The following SLIT3 variants were observed in gnomAD, a reference collection of about 807,000 sequenced individuals.
SLIT3 encodes slit guidance ligand 3.
In SLIT3, 68 loss-of-function variants were observed where a neutral mutation model predicts 184.0. The observed-to-expected ratio is 0.37, with a 90% confidence interval of 0.30 to 0.45. The LOEUF is 0.45. Among genes scored for constraint, SLIT3 ranks in the 20% least tolerant of loss-of-function variants. The pLI is 1.00. For missense variants in SLIT3, 1,707 were observed against 2,026.0 expected, an observed-to-expected ratio of 0.84 and a Z score of 3.02; for synonymous variants, 831 against 828.6, an observed-to-expected ratio of 1.00 and a Z score of -0.05.
intron 5 of SLIT3, among the ~76,000 whole-genome samples, chr5:168,854,505 C>T (rs1561969451): frequency 1.3e-5 from 2 of 152,170 alleles, no homozygotes; most frequent in African/African-American, 4.8e-5. Context: ...GGATGGGTGT[C>T]TGCACCTTGA....
Position 168,692,634 on chromosome 5 carries a change from T to G in SLIT3, c.3149A>C (p.Lys1050Thr), listed in dbSNP as rs1303404700. 8 of 1,614,046 alleles carry G rather than the reference T, an allele frequency of 5.0e-6. No individual in the cohort carries two copies. Among genetic ancestry groups the G allele is most frequent in the Non-Finnish European group, 6.8e-6 (8 of 1,179,932 alleles). ...PELNLCQHEAKCIPLDKGFSC... is the reference protein window; with the variant it reads ...PELNLCQHEATCIPLDKGFSC... ...GAATCCTTTGTCCAGGGGGATGCACTTGGCCTCATGCTGACAGAGGTTCAG... is the reference window on the plus strand; with the variant it reads ...GAATCCTTTGTCCAGGGGGATGCACGTGGCCTCATGCTGACAGAGGTTCAG... Residue 1050 changes from lysine (K) to threonine (T), a missense_variant, in exon 29 of 36, where the codon AAG becomes ACG. Lys to Thr is a moderately conservative substitution (Grantham distance 78, BLOSUM62 -1). Around this residue, in one of 3 missense-constraint regions of SLIT3, gnomAD observed 1,307 missense variants for 1,511.6 expected, o/e 0.86. Coordinates refer to ENST00000519560, the MANE Select transcript of SLIT3 (RefSeq NM_003062.4).
intron 14 of SLIT3, among the ~76,000 whole-genome samples, chr5:168,770,272 C>A (rs181984969): frequency 6.6e-6 from 1 of 152,322 alleles, no homozygotes; most frequent in East Asian, 1.9e-4. Context: ...AAACCAGACG[C>A]CCTGCCTAAG....
intron 3 of SLIT3, among the ~76,000 whole-genome samples, chr5:169,207,093 C>T (rs1764095927): frequency 6.6e-6 from 1 of 150,960 alleles, no homozygotes; most frequent in Admixed American, 6.6e-5. Flanking sequence ...TTTCTCAACC[C>T]TCTGGCTATT....
chr5:168,707,964 C>T lies in SLIT3; in HGVS notation c.2844+12G>A. ...GAGGCATGAACACGGGGGGGCAGGG[C>T]CTCCAGCATACCTTGTAGCTGTAGG... On this transcript the variant is annotated intron_variant, in intron 26 of 35. Transcript: ENST00000519560. The T allele has an allele frequency of 6.2e-7, 1 of 1,614,042 alleles. No homozygotes were observed.
chr5:168,934,259 G>T (rs1562014091), intron 4 of SLIT3, among the ~76,000 whole-genome samples: 1 of 152,158 alleles, frequency 6.6e-6, no homozygotes, highest in Admixed American at 6.5e-5. Context: ...TCTTCCTGAG[G>T]GAAGAGACTG....
intron 6 of SLIT3, among the ~76,000 whole-genome samples, chr5:168,824,929 A>G (rs890708454): frequency 2.0e-5 from 3 of 152,204 alleles, no homozygotes; most frequent in Admixed American, 2.0e-4. Context: ...TGCCCTCTAC[A>G]TCATACGTCT....
At chr5:169,036,915 C>G (rs915776216) in intron 4 of SLIT3, among the ~76,000 whole-genome samples, 1 of 152,176 alleles carries the variant, frequency 6.6e-6, no homozygotes, top group Non-Finnish European at 1.5e-5. Flanking sequence ...TGGCAAAGAG[C>G]TGTGTTCATG....
rs113638284 is a variant in SLIT3 at position 168,892,824 on chromosome 5, G to A, written c.414-9488C>T. Among the ~76,000 whole-genome samples, 1,145 of 152,310 alleles carry A rather than the reference G, an allele frequency of 7.5e-3. 17 individuals are homozygous for A. The highest frequency in any genetic ancestry group is 0.026 in the African/African-American group (1,078 of 41,568). On this transcript the variant is annotated intron_variant, in intron 4 of 35. Coordinates refer to ENST00000519560, the MANE Select transcript of SLIT3 (RefSeq NM_003062.4). Reference sequence around the variant, plus strand: ...ATCTCCAGCAAATGGGACAGAGGCTGAGCTTCTCAACAGCTCACTAATCCC... The same window carrying A: ...ATCTCCAGCAAATGGGACAGAGGCTAAGCTTCTCAACAGCTCACTAATCCC...
At chr5:169,135,492 A>G (rs576286556) in intron 4 of SLIT3, among the ~76,000 whole-genome samples, 1 of 152,264 alleles carries the variant, frequency 6.6e-6, no homozygotes, top group African/African-American at 2.4e-5. Context: ...TAGCACAAAT[A>G]CTTTCAAAAC....
At position 168,772,767 on chromosome 5, in the gene SLIT3, C is replaced by T. The variant is rs78557326; in HGVS notation, c.1459+14G>A. The T allele has an allele frequency of 1.4e-3, 2,288 of 1,614,030 alleles. 27 individuals carry two copies. The African/African-American group carries it at 0.025, about 18-fold the overall frequency. On this transcript the variant is annotated intron_variant, in intron 14 of 35. Transcript: ENST00000519560. The stretch of plus-strand genomic sequence containing the variant: ...TGAGTCAGAAAGCGGGGCCCAGCCC[C>T]GTAACCTGATTACCTGAGCAGCGGA...
chr5:168,761,008 C>A, intron 15 of SLIT3, 72 bp from the exon 16 acceptor site: 1 of 1,112,020 alleles, frequency 9.0e-7, no homozygotes, highest in South Asian at 1.3e-5. Flanking sequence ...CATGGCTTTG[C>A]TGCATTGCTG....
rs115377975 is a variant in SLIT3 at position 168,904,083 on chromosome 5, G to A, written c.414-20747C>T. Among the ~76,000 whole-genome samples, 730 of 152,272 alleles carry A rather than the reference G, an allele frequency of 4.8e-3. 6 individuals are homozygous for A. Among genetic ancestry groups the A allele is most frequent in the African/African-American group, 0.017 (692 of 41,548 alleles). On this transcript the variant is annotated intron_variant, in intron 4 of 35. Coordinates refer to ENST00000519560, the MANE Select transcript of SLIT3 (RefSeq NM_003062.4). ...TGAGGCACTTGGCAAAGTGGGAACT[G>A]AAACTGAGGCCCTGTTGCCCCTGTG...
intron 4 of SLIT3, among the ~76,000 whole-genome samples, chr5:169,058,894 A>G (rs969045786): frequency 2.0e-5 from 3 of 152,236 alleles, no homozygotes; most frequent in African/African-American, 4.8e-5. Context: ...TCTAGAGAGT[A>G]TCAAGGAAGA....
intron 4 of SLIT3, among the ~76,000 whole-genome samples, chr5:169,071,370 TAAG>T (rs147594128): frequency 0.18 from 28,099 of 152,028 alleles, 2,783 homozygotes; most frequent in South Asian, 0.32. Flanking sequence ...TATATTTCTC[TAAG>T]AAGTAGCAGC....
intron 4 of SLIT3, among the ~76,000 whole-genome samples, chr5:169,021,096 C>A (rs1336247701): frequency 6.6e-6 from 1 of 152,174 alleles, no homozygotes; most frequent in African/African-American, 2.4e-5. Context: ...ACCTTGGAAG[C>A]CAGGACTTCC....
At chr5:169,010,046 T>C (rs548968899) in intron 4 of SLIT3, among the ~76,000 whole-genome samples, 5 of 152,240 alleles carry the variant, frequency 3.3e-5, no homozygotes, top group African/African-American at 1.2e-4. Context: ...GGTGAACCAA[T>C]CGAGTTTTAC....
intron 4 of SLIT3, among the ~76,000 whole-genome samples, chr5:168,917,962 G>C (rs1297996076): frequency 6.6e-6 from 1 of 152,166 alleles, no homozygotes; most frequent in Non-Finnish European, 1.5e-5. Flanking sequence ...AGGGAGTATG[G>C]ATTATCATTT....
At chr5:168,805,673 G>C (rs1487531850) in intron 9 of SLIT3, among the ~76,000 whole-genome samples, 1 of 152,168 alleles carries the variant, frequency 6.6e-6, no homozygotes, top group African/African-American at 2.4e-5. Flanking sequence ...TGTATACACA[G>C]AGACAAACAC....
chr5:169,150,520 C>T (rs1368871707), intron 4 of SLIT3, among the ~76,000 whole-genome samples: 2 of 150,694 alleles, frequency 1.3e-5, no homozygotes, highest in Admixed American at 6.6e-5. Flanking sequence ...CTCACATACA[C>T]ACACACACAC....
Sources: allele counts gnomAD v4.1 joint callset (sites outside exome capture counted in the v4.1 genomes callset), GRCh38; gene constraint gnomAD v4.1.1; regional missense constraint gnomAD v4.1.1; transcripts MANE v1.5; gene names NCBI Gene and HGNC (gene_info 2026-07-23, HGNC 2026-07-21).